Variants in TARBP1 observed in about 807,000 individuals in gnomAD.
TARBP1 encodes the protein tRNA (guanosine(18)-2'-O)-methyltransferase TARBP1.
In TARBP1, 144 loss-of-function variants were observed where a neutral mutation model predicts 178.6. The ratio of observed to expected loss-of-function variants is 0.81; its 90% CI spans 0.70 to 0.93. TARBP1 has a LOEUF of 0.93. Among genes scored for constraint, TARBP1 ranks in the 40% least tolerant of loss-of-function variants. The probability of loss-of-function intolerance (pLI) is 0.00; values close to 1 mark genes in which losing one functional copy is unlikely to be tolerated. For synonymous variants in TARBP1, 787 were observed against 781.0 expected (o/e 1.01, Z -0.13); for missense variants, 2,067 against 2,011.7 (o/e 1.03, Z -0.53).
At chr1:234,421,848 C>T (rs189314995) in intron 20 of TARBP1, among the ~76,000 whole-genome samples, 6 of 152,218 alleles carry the variant, frequency 3.9e-5, no homozygotes, top group Non-Finnish European at 8.8e-5. Context: ...ACCTCCAAAA[C>T]CATTTTCACA....
intron 8 of TARBP1, among the ~76,000 whole-genome samples, chr1:234,458,786 G>C (rs1042979807): frequency 6.6e-6 from 1 of 152,178 alleles, no homozygotes; most frequent in African/African-American, 2.4e-5. Flanking sequence ...GGGCCACCCA[G>C]GACACACTTA....
At chr1:234,429,731 CTT>C (rs1664205730) in intron 15 of TARBP1, 54 bp from the exon 16 acceptor site, 5 of 1,444,508 alleles carry the variant, frequency 3.5e-6, no homozygotes, top group Non-Finnish European at 4.7e-6. Context: ...GCCTCCACGT[CTT>C]TTGCACGTAG....
chr1:234,426,261 C>T (rs1013364405), intron 19 of TARBP1, among the ~76,000 whole-genome samples: 2 of 152,330 alleles, frequency 1.3e-5, no homozygotes, highest in South Asian at 4.1e-4. Context: ...GCTCTCAACA[C>T]CCGGCATTTT....
chr1:234,474,945 G>C (rs79989042), intron 1 of TARBP1, among the ~76,000 whole-genome samples: 3,230 of 152,260 alleles, frequency 0.021, 107 homozygotes, highest in African/African-American at 0.071. Context: ...GAAGGAAGGC[G>C]CTCCAAGAAT....
Position 234,479,038 on chromosome 1 carries a change from C to A in TARBP1, c.66G>T (p.Ala22=). Residue 22 remains alanine (A), a synonymous_variant, in exon 1 of 30, where the codon GCG becomes GCT. Transcript: ENST00000040877. The part of the protein sequence containing the change: ...QSRDPRALLG[A]LCQGEASAER... ...CCGCGGATGCCTCCCCTTGGCACAG[C>A]GCCCCAAGCAGGGCCCGGGGGTCCC... The A allele has an allele frequency of 6.5e-7, 1 of 1,537,208 alleles. No individual in the cohort carries two copies. Among genetic ancestry groups the A allele is most frequent in the South Asian group, 1.2e-5 (1 of 84,364 alleles).
chr1:234,467,469 A>T (rs751187288), intron 4 of TARBP1, 33 bp downstream of exon 4: 3 of 1,488,122 alleles, frequency 2.0e-6, no homozygotes, highest in South Asian at 2.8e-5. Context: ...CCTTTCAACA[A>T]TGGGAGCAAG....
At chr1:234,451,984 G>A (rs1013715682) in intron 9 of TARBP1, among the ~76,000 whole-genome samples, 21 of 152,124 alleles carry the variant, frequency 1.4e-4, no homozygotes, top group East Asian at 1.2e-3. Context: ...GCCAGACTGC[G>A]TTGCCTAATT....
Position 234,391,332 on chromosome 1 carries a change from TTG to T in TARBP1, c.*243_*244del. ...AATAAATTCTCTCTTAAAAAATCCA[TTG>T]TTTTATTTCCACAATTGCTTAAAAT... On this transcript the variant is annotated 3_prime_UTR_variant, in exon 30 of 30. Transcript: ENST00000040877. The T allele has an allele frequency of 2.8e-6, 1 of 356,516 alleles. No homozygotes were observed. Among genetic ancestry groups the T allele is most frequent in the East Asian group, 4.8e-5 (1 of 20,958 alleles). 22.1% of individuals were successfully genotyped at this position (356,516 alleles called of 1,614,324 possible).
chr1:234,455,512 G>A (rs1433427611), intron 9 of TARBP1, among the ~76,000 whole-genome samples: 1 of 152,174 alleles, frequency 6.6e-6, no homozygotes, highest in Non-Finnish European at 1.5e-5. Flanking sequence ...TACAAAAAAA[G>A]ACTAAGAAGG....
chr1:234,438,947 A>C (rs759039337), intron 12 of TARBP1, among the ~76,000 whole-genome samples: 2 of 152,244 alleles, frequency 1.3e-5, no homozygotes, highest in African/African-American at 2.4e-5. Context: ...TCTCACGAGA[A>C]ACCAGAGGCA....
chr1:234,476,855 C>T (rs1669613383), intron 1 of TARBP1, among the ~76,000 whole-genome samples: 1 of 152,186 alleles, frequency 6.6e-6, no homozygotes, highest in African/African-American at 2.4e-5. Context: ...ATGGGAGTTG[C>T]AGGAAGCATG....
chr1:234,471,482 C>T (rs992695233), intron 2 of TARBP1, among the ~76,000 whole-genome samples: 1 of 152,124 alleles, frequency 6.6e-6, no homozygotes, highest in Non-Finnish European at 1.5e-5. Flanking sequence ...TAAAGTCTAC[C>T]ATTTATACAG....
chr1:234,435,144 G>A (rs796609429), intron 13 of TARBP1, among the ~76,000 whole-genome samples: 3 of 152,246 alleles, frequency 2.0e-5, no homozygotes, highest in African/African-American at 7.2e-5. Flanking sequence ...TTGAGAGACG[G>A]TTCTTTCAAA....
At chr1:234,459,637 TC>T (rs978181680) in intron 7 of TARBP1, among the ~76,000 whole-genome samples, 1 of 151,864 alleles carries the variant, frequency 6.6e-6, no homozygotes, top group Non-Finnish European at 1.5e-5. Flanking sequence ...CATGGTGCAA[TC>T]CCGTCTCTAC....
intron 3 of TARBP1, among the ~76,000 whole-genome samples, chr1:234,470,412 C>T (rs991766552): frequency 6.6e-6 from 1 of 152,006 alleles, no homozygotes; most frequent in African/African-American, 2.4e-5. Flanking sequence ...TGCTTCAAAA[C>T]CATTTAGCAA....
chr1:234,468,458 ACT>A (rs1317599372), intron 3 of TARBP1, among the ~76,000 whole-genome samples: 2 of 152,056 alleles, frequency 1.3e-5, no homozygotes, highest in Non-Finnish European at 1.5e-5. Context: ...ACAGAGTGAG[ACT>A]CTGTCTTGAA....
At chr1:234,393,288 CT>C in intron 28 of TARBP1, 73 bp downstream of exon 28, 3 of 1,324,636 alleles carry the variant, frequency 2.3e-6, no homozygotes, top group Non-Finnish European at 2.9e-6. Context: ...TTTTTTTAAA[CT>C]TTTATTTTAG....
At chr1:234,430,444 A>G in intron 14 of TARBP1, 143 bp from the exon 15 acceptor site, 2 of 689,744 alleles carry the variant, frequency 2.9e-6, no homozygotes, top group Admixed American at 5.7e-5. Context: ...ATAAAAGGAA[A>G]TCCAGTACAC....
intron 14 of TARBP1, among the ~76,000 whole-genome samples, chr1:234,431,589 CAT>C (rs1329673966): frequency 2.6e-5 from 4 of 152,222 alleles, no homozygotes; most frequent in Non-Finnish European, 5.9e-5. Context: ...ACACTTACCA[CAT>C]GTTAAGTGAA....
Sources: allele counts gnomAD v4.1 joint callset (sites outside exome capture counted in the v4.1 genomes callset), GRCh38; gene constraint gnomAD v4.1.1; transcripts MANE v1.5; gene names NCBI Gene and HGNC (gene_info 2026-07-23, HGNC 2026-07-21).